Variants in CRX observed in about 807,000 individuals in gnomAD.
The protein encoded by CRX is cone-rod homeobox.
In CRX, 5 loss-of-function variants were observed where a neutral mutation model predicts 13.1. The observed-to-expected ratio is 0.38, with a 90% confidence interval of 0.20 to 0.80. CRX has a LOEUF of 0.80. Among genes scored for constraint, CRX ranks in the 30% least tolerant of loss-of-function variants. CRX has a pLI of 0.43. For synonymous variants in CRX, 179 were observed against 171.1 expected, an observed-to-expected ratio of 1.05 and a Z score of -0.36; for missense variants, 351 against 391.8, an observed-to-expected ratio of 0.90 and a Z score of 0.88.
rs11374819 is a variant in CRX, at chr19:47,824,990, AT to A, written c.-36+2998del. Among the ~76,000 whole-genome samples the A allele has an allele frequency of 1.5e-3, 150 of 100,350 alleles. 1 individual carries two copies. The highest frequency in any genetic ancestry group is 3.1e-3 in the East Asian group (11 of 3,582). 65.8% of individuals were successfully genotyped at this position (100,350 alleles called of 152,430 possible). Reference sequence around the variant, plus strand: ...AGACAGGTCCTCTTTCGATTGATTGATTTTTTTTTTTTTTTTTTGGGATGGA... The same window carrying A: ...AGACAGGTCCTCTTTCGATTGATTGATTTTTTTTTTTTTTTTTGGGATGGA... On this transcript the variant is annotated intron_variant, in intron 1 of 3. Transcript: ENST00000221996.
At chr19:47,828,216 G>A (rs1392365418) in intron 1 of CRX, among the ~76,000 whole-genome samples, 1 of 151,948 alleles carries the variant, frequency 6.6e-6, no homozygotes, top group Non-Finnish European at 1.5e-5. Flanking sequence ...GAACCAAGAA[G>A]TTCAATTCTA....
At chr19:47,828,493 G>A (rs748042480) in intron 1 of CRX, among the ~76,000 whole-genome samples, 3 of 152,062 alleles carry the variant, frequency 2.0e-5, no homozygotes, top group Non-Finnish European at 4.4e-5. Flanking sequence ...GGCAGGAACC[G>A]AGATATTACC....
intron 1 of CRX, among the ~76,000 whole-genome samples, chr19:47,822,978 G>T (rs1366577868): frequency 6.7e-6 from 1 of 148,350 alleles, no homozygotes; most frequent in African/African-American, 2.4e-5. Flanking sequence ...ATTTTTAGTA[G>T]AGATGGGGGG....
At chr19:47,835,813 G>A (rs917389392) in intron 2 of CRX, among the ~76,000 whole-genome samples, 1 of 151,670 alleles carries the variant, frequency 6.6e-6, no homozygotes, top group African/African-American at 2.4e-5. Context: ...AGTAGAGACA[G>A]GGGTTCCCCA....
intron 1 of CRX, among the ~76,000 whole-genome samples, chr19:47,833,347 T>C (rs1599980846): frequency 6.6e-6 from 1 of 151,648 alleles, no homozygotes; most frequent in African/African-American, 2.4e-5. Context: ...GGTGGTGCGA[T>C]CTTGGCTCAC....
At chr19:47,833,496 G>A (rs544696828) in intron 1 of CRX, among the ~76,000 whole-genome samples, 30 of 151,748 alleles carry the variant, frequency 2.0e-4, no homozygotes, top group Admixed American at 1.6e-3. Context: ...TGGCCAGGCT[G>A]GTCTTGAACT....
chr19:47,834,069 G>A (rs1046878857), intron 1 of CRX, among the ~76,000 whole-genome samples: 1 of 151,610 alleles, frequency 6.6e-6, no homozygotes, highest in Non-Finnish European at 1.5e-5. Flanking sequence ...GGGCTCAAGT[G>A]ATCCTCCCGC....
chr19:47,842,554 C>A lies in CRX; in HGVS notation c.*2587C>A, dbSNP rs1454136538. 1.3e-5 allele frequency: 2 copies of A among 152,182 alleles called. No homozygotes were observed. The highest frequency in any genetic ancestry group is 2.9e-5 in the Non-Finnish European group (2 of 68,066). The allele number at this position is 152,182 out of a possible 1,614,324, so 9.4% of individuals were successfully genotyped here. ...CAGAGATTGTGCCACTGTGCTCTAGCCTGGGTCACAAGAGCGAAACTCCGT... is the reference window on the plus strand; with the variant it reads ...CAGAGATTGTGCCACTGTGCTCTAGACTGGGTCACAAGAGCGAAACTCCGT... On this transcript the variant is annotated 3_prime_UTR_variant, in exon 4 of 4. Coordinates refer to ENST00000221996, the MANE Select transcript of CRX (RefSeq NM_000554.6).
intron 1 of CRX, among the ~76,000 whole-genome samples, chr19:47,832,105 G>GTTTTTGTTTTTTTTTT (rs1555801483): frequency 7.6e-5 from 7 of 91,986 alleles, no homozygotes; most frequent in Admixed American, 2.6e-4. Context: ...GCAGCCTTAT[G>GTTTTTGTTTTTTTTTT]TTTTTTTTTT....
At position 47,842,980 on chromosome 19, in the gene CRX, A is replaced by C. The variant is rs1488534598; in HGVS notation, c.*3013A>C. ...GTGAAGGCCAAGGGGCCCCCATCACAGGCCGATGGGGTAAGACTTCGAGAG... is the reference window on the plus strand; with the variant it reads ...GTGAAGGCCAAGGGGCCCCCATCACCGGCCGATGGGGTAAGACTTCGAGAG... On this transcript the variant is annotated 3_prime_UTR_variant, in exon 4 of 4. Coordinates refer to ENST00000221996, the MANE Select transcript of CRX (RefSeq NM_000554.6). 2 of 152,272 alleles carry C rather than the reference A, an allele frequency of 1.3e-5. No homozygotes were observed. The allele number at this position is 152,272 out of a possible 1,614,324, so 9.4% of individuals were successfully genotyped here.
chr19:47,823,017 A>G (rs1234395609), intron 1 of CRX, among the ~76,000 whole-genome samples: 1 of 151,948 alleles, frequency 6.6e-6, no homozygotes, highest in Non-Finnish European at 1.5e-5. Context: ...GCTGGTCTCG[A>G]ACTCCTGACC....
chr19:47,824,787 G>T (rs1047791479), intron 1 of CRX, among the ~76,000 whole-genome samples: 2 of 152,070 alleles, frequency 1.3e-5, no homozygotes, highest in Non-Finnish European at 2.9e-5. Flanking sequence ...TCAGCCTGGG[G>T]CCTCCCAGGT....
intron 1 of CRX, among the ~76,000 whole-genome samples, chr19:47,824,340 C>A (rs1599966708): frequency 1.3e-5 from 2 of 152,270 alleles, no homozygotes; most frequent in East Asian, 3.9e-4. Flanking sequence ...GAGGCCATAT[C>A]GCCGGGTGAT....
chr19:47,840,110 TAC>T lies in CRX; in HGVS notation c.*145_*146del. 1.1e-6 allele frequency: 1 copy of T among 905,872 alleles called. No individual in the cohort carries two copies. The highest frequency in any genetic ancestry group is 1.7e-6 in the Non-Finnish European group (1 of 584,054). 56.1% of individuals were successfully genotyped at this position (905,872 alleles called of 1,614,324 possible). A position where few individuals can be genotyped will look rare whatever the true frequency, so the allele number is the denominator to read the frequency against. ...CCTTCTGACAGCTCGGTGTTCAGCT[TAC>T]AGAGACCACCCCTTTCCTCCACAGG... On this transcript the variant is annotated 3_prime_UTR_variant, in exon 4 of 4. Transcript: ENST00000221996.
At chr19:47,838,732 G>A (rs959854093) in intron 3 of CRX, among the ~76,000 whole-genome samples, 3 of 151,504 alleles carry the variant, frequency 2.0e-5, no homozygotes, top group African/African-American at 7.3e-5. Flanking sequence ...TGTATTAGAT[G>A]GGTGGATGAA....
In CRX at chr19:47,840,279, A is replaced by G; in HGVS notation, c.*312A>G. On this transcript the variant is annotated 3_prime_UTR_variant, in exon 4 of 4. Coordinates refer to ENST00000221996, the MANE Select transcript of CRX (RefSeq NM_000554.6). Reference sequence around the variant, plus strand: ...GTGGTGCTGAGAACTTGCTCCAAGAAGAAGTCAAACCAAACTTGCAGTTGA... The same window carrying G: ...GTGGTGCTGAGAACTTGCTCCAAGAGGAAGTCAAACCAAACTTGCAGTTGA... 2.7e-6 allele frequency: 1 copy of G among 366,018 alleles called. No homozygotes were observed. Among genetic ancestry groups the G allele is most frequent in the Non-Finnish European group, 5.1e-6 (1 of 196,652 alleles). 22.7% of individuals were successfully genotyped at this position (366,018 alleles called of 1,614,324 possible). A position where few individuals can be genotyped will look rare whatever the true frequency, so the allele number is the denominator to read the frequency against.
At chr19:47,823,313 G>T (rs149880934) in intron 1 of CRX, among the ~76,000 whole-genome samples, 327 of 152,352 alleles carry the variant, frequency 2.1e-3, no homozygotes, top group African/African-American at 7.5e-3. Context: ...GAGGTGTGAT[G>T]CGGTTTTCCC....
chr19:47,838,298 C>A (rs11666676), intron 3 of CRX, among the ~76,000 whole-genome samples: 1 of 151,726 alleles, frequency 6.6e-6, no homozygotes, highest in Non-Finnish European at 1.5e-5. Flanking sequence ...CATGTATGTA[C>A]GCATACATGC....
intron 3 of CRX, among the ~76,000 whole-genome samples, chr19:47,837,708 T>C (rs1432055085): frequency 6.6e-6 from 1 of 152,162 alleles, no homozygotes; most frequent in Non-Finnish European, 1.5e-5. Flanking sequence ...CATTAATGCA[T>C]GTATGATGTA....
Sources: gnomAD v4.1 joint callset for allele counts (sites outside exome capture counted in the v4.1 genomes callset) on GRCh38, gnomAD v4.1.1 for gene constraint, MANE v1.5 for transcripts, NCBI Gene and HGNC (gene_info 2026-07-23, HGNC 2026-07-21) for gene names.